The following AFAP1 variants were observed in gnomAD, a reference collection of about 807,000 sequenced individuals.
AFAP1 encodes actin filament-associated protein 1.
Under a neutral mutation model 93.9 loss-of-function variants are expected in AFAP1, and 75 were observed. The ratio of observed to expected loss-of-function variants is 0.80; its 90% CI spans 0.66 to 0.97. AFAP1 has a LOEUF of 0.97. Ranked by LOEUF, AFAP1 falls within the 50% of genes least tolerant of loss-of-function variation. The pLI is 0.00. For synonymous variants in AFAP1, 517 were observed against 430.7 expected (o/e 1.20, Z -2.48); for missense variants, 1,201 against 1,050.8 (o/e 1.14, Z -1.98).
intron 3 of AFAP1, among the ~76,000 whole-genome samples, chr4:7,859,533 G>C (rs965968674): frequency 6.6e-6 from 1 of 152,178 alleles, no homozygotes; most frequent in African/African-American, 2.4e-5. Context: ...CCCCTGCTGT[G>C]ACCTAGAAAT....
chr4:7,872,161 C>T, intron 1 of AFAP1, 81 bp from the exon 2 acceptor site: 1 of 1,538,398 alleles, frequency 6.5e-7, no homozygotes, highest in Non-Finnish European at 8.8e-7. Context: ...TTACTCGAAG[C>T]ATTTCATGTT....
At chr4:7,900,287 C>T (rs1719044530) in intron 1 of AFAP1, among the ~76,000 whole-genome samples, 1 of 152,178 alleles carries the variant, frequency 6.6e-6, no homozygotes, top group Non-Finnish European at 1.5e-5. Flanking sequence ...TGAAACCCCC[C>T]CAAGAATGTC....
At chr4:7,868,596 ACT>A in intron 3 of AFAP1, 24 bp downstream of exon 3, 1 of 1,603,494 alleles carries the variant, frequency 6.2e-7, no homozygotes, top group Non-Finnish European at 8.5e-7. Context: ...AGCGATGACC[ACT>A]GAGATGGTGG....
At chr4:7,896,541 C>T (rs141476000) in intron 1 of AFAP1, among the ~76,000 whole-genome samples, 2 of 150,224 alleles carry the variant, frequency 1.3e-5, no homozygotes, top group African/African-American at 4.9e-5. Flanking sequence ...TCACTCCCCC[C>T]ACACCCAGGG....
chr4:7,818,312 C>T (rs1179940932), intron 7 of AFAP1, among the ~76,000 whole-genome samples: 3 of 152,264 alleles, frequency 2.0e-5, no homozygotes, highest in East Asian at 3.9e-4. Flanking sequence ...ATCATGTGAA[C>T]CAATGCCTTC....
intron 9 of AFAP1, among the ~76,000 whole-genome samples, chr4:7,807,808 C>T (rs4689870): frequency 0.51 from 77,150 of 152,050 alleles, 21,723 homozygotes; most frequent in African/African-American, 0.76. Context: ...TTTGCCTGTC[C>T]TCCCTTCAAG....
chr4:7,792,696 T>C (rs1717992737), intron 11 of AFAP1, among the ~76,000 whole-genome samples: 1 of 152,226 alleles, frequency 6.6e-6, no homozygotes, highest in Admixed American at 6.5e-5. Flanking sequence ...CTGCATGCTC[T>C]CTGTGGCCTC....
chr4:7,866,024 G>T (rs1313145655), intron 3 of AFAP1, among the ~76,000 whole-genome samples: 1 of 152,258 alleles, frequency 6.6e-6, no homozygotes, highest in East Asian at 1.9e-4. Flanking sequence ...AGCCTCCCAA[G>T]TAGCTGGGAC....
At position 7,818,350 on chromosome 4, in the gene AFAP1, T is replaced by A. The variant is rs568315278; in HGVS notation, c.822+726A>T. Among the ~76,000 whole-genome samples, 8 of 152,238 alleles carry A rather than the reference T, an allele frequency of 5.3e-5. No individual in the cohort carries two copies. In the East Asian group the frequency reaches 1.5e-3, roughly 29 times the overall value. ...AGAAATCTGCTTCTACATACATACATCCCATTAATTCTGTTCCTCTGGAGA... is the reference window on the plus strand; with the variant it reads ...AGAAATCTGCTTCTACATACATACAACCCATTAATTCTGTTCCTCTGGAGA... On this transcript the variant is annotated intron_variant, in intron 7 of 17. Transcript: ENST00000420658.
At chr4:7,787,762 G>T (rs1483778956) in intron 11 of AFAP1, among the ~76,000 whole-genome samples, 8 of 152,192 alleles carry the variant, frequency 5.3e-5, no homozygotes, top group African/African-American at 1.9e-4. Flanking sequence ...GGCTTCTGAA[G>T]TCGCAAGGTG....
At chr4:7,787,852 C>T (rs1013167316) in intron 11 of AFAP1, among the ~76,000 whole-genome samples, 1 of 152,164 alleles carries the variant, frequency 6.6e-6, no homozygotes, top group African/African-American at 2.4e-5. Context: ...CGGTCAGTCT[C>T]CTGGGTGCCC....
chr4:7,828,703 T>C (rs1400340167), intron 6 of AFAP1, among the ~76,000 whole-genome samples: 1 of 152,172 alleles, frequency 6.6e-6, no homozygotes, highest in Non-Finnish European at 1.5e-5. Context: ...GTCCTCACAA[T>C]AGCTCTAGAA....
At chr4:7,850,700 G>C (rs963891729) in intron 4 of AFAP1, among the ~76,000 whole-genome samples, 2 of 152,240 alleles carry the variant, frequency 1.3e-5, no homozygotes, top group African/African-American at 4.8e-5. Flanking sequence ...CACCCTGCTG[G>C]TGTGGGGCAG....
At chr4:7,887,192 T>C (rs1393861018) in intron 1 of AFAP1, among the ~76,000 whole-genome samples, 3 of 152,080 alleles carry the variant, frequency 2.0e-5, no homozygotes, top group African/African-American at 4.8e-5. Context: ...CAAAGAATGA[T>C]AGGAACAGGA....
chr4:7,938,817 C>T (rs1196251697), intron 1 of AFAP1, among the ~76,000 whole-genome samples: 10 of 152,134 alleles, frequency 6.6e-5, no homozygotes, highest in African/African-American at 2.4e-4. Context: ...CAGAGCCCAG[C>T]CCGGGGCCAG....
At chr4:7,785,824 G>A (rs1173919725) in intron 12 of AFAP1, among the ~76,000 whole-genome samples, 1 of 152,070 alleles carries the variant, frequency 6.6e-6, no homozygotes, top group Non-Finnish European at 1.5e-5. Context: ...TACGGTCCCA[G>A]CTACTTGGGA....
At chr4:7,838,747 G>A (rs1049427641) in intron 5 of AFAP1, 44 bp from the exon 6 acceptor site, 14 of 1,592,974 alleles carry the variant, frequency 8.8e-6, no homozygotes, top group South Asian at 5.7e-5. Context: ...AAGGGAGTTC[G>A]AACAGAAACA....
intron 6 of AFAP1, among the ~76,000 whole-genome samples, chr4:7,822,415 T>C (rs1322727690): frequency 6.6e-6 from 1 of 152,138 alleles, no homozygotes; most frequent in East Asian, 1.9e-4. Flanking sequence ...CGATTATATT[T>C]AATAGTGTTA....
chr4:7,819,996 G>C (rs1244670763), intron 6 of AFAP1, among the ~76,000 whole-genome samples: 1 of 152,228 alleles, frequency 6.6e-6, no homozygotes, highest in Non-Finnish European at 1.5e-5. Context: ...AAAGGCTGTA[G>C]AAAACACTCT....
Sources: allele counts gnomAD v4.1 joint callset (sites outside exome capture counted in the v4.1 genomes callset), GRCh38; gene constraint gnomAD v4.1.1; transcripts MANE v1.5; gene names NCBI Gene and HGNC (gene_info 2026-07-23, HGNC 2026-07-21).